COL18A1: variants seen among roughly 807,000 people sequenced by gnomAD.
COL18A1 encodes collagen type XVIII alpha 1 chain.
Under a neutral mutation model 168.0 loss-of-function variants are expected in COL18A1, and 133 were observed. The observed-to-expected ratio is 0.79, with a 90% confidence interval of 0.69 to 0.91. COL18A1 has a LOEUF of 0.91. COL18A1 is among the 40% of genes least tolerant of loss of function. COL18A1 has a pLI of 0.00. For synonymous variants in COL18A1, 949 were observed against 809.0 expected, an observed-to-expected ratio of 1.17 and a Z score of -2.94; for missense variants, 2,126 against 1,925.4, an observed-to-expected ratio of 1.10 and a Z score of -1.95.
chr21:45,468,726 G>T lies in COL18A1; in HGVS notation c.591G>T (p.Leu197=). The change falls in exon 3 of 42, where the codon CTG becomes CTT. Residue 197 remains leucine, a synonymous_variant. Coordinates refer to ENST00000651438, the MANE Select transcript of COL18A1 (RefSeq NM_001379500.1). ...PLARSSRGLE[L]EPGAGLFVAQ... Reference sequence around the variant, plus strand: ...CTCGGTCCTCACGGGGCCTGGAGCTGGAGCCTGGCGCCGGGCTCTTCGTGG... The same window carrying T: ...CTCGGTCCTCACGGGGCCTGGAGCTTGAGCCTGGCGCCGGGCTCTTCGTGG... 1 of 1,611,636 alleles carries T rather than the reference G, an allele frequency of 6.2e-7. No homozygotes were observed. Among genetic ancestry groups the T allele is most frequent in the Non-Finnish European group, 8.5e-7 (1 of 1,179,902 alleles).
At position 45,438,020 on chromosome 21, in the gene COL18A1, ACT is replaced by A. The variant is rs1396482564; in HGVS notation, c.107-30220_107-30219del. On this transcript the variant is annotated intron_variant, in intron 2 of 41. Transcript: ENST00000651438. ...GGCACTCTCCTGCACACACACACTCACTCACACACAGACACACAGGCACTCTC... is the reference window on the plus strand; with the variant it reads ...GGCACTCTCCTGCACACACACACTCACACACACAGACACACAGGCACTCTC... Among the ~76,000 whole-genome samples, 27 of 107,882 alleles carry A rather than the reference ACT, an allele frequency of 2.5e-4. 2 individuals are homozygous for A. The highest frequency in any genetic ancestry group is 4.6e-4 in the Admixed American group (5 of 10,774). The allele number at this position is 107,882 out of a possible 152,430, so 70.8% of individuals were successfully genotyped here. A position where few individuals can be genotyped will look rare whatever the true frequency, so the allele number is the denominator to read the frequency against.
In COL18A1 at chr21:45,492,564, G is replaced by C. The variant is rs2036388835; in HGVS notation, c.2187G>C (p.Glu729Asp). The change falls in exon 23 of 42, where the codon GAG becomes GAC. Residue 729 changes from glutamate (E) to aspartate (D), a missense_variant and splice_region_variant. By Grantham distance (45) the Glu-to-Asp change is conservative. Transcript: ENST00000651438. ...DGSVLSVPGP[E>D]GRPGFAGFPG... ...CCGTCCTGAGCGTGCCGGGACCTGAGGTATGTGCCTGCCCAGCTTCTAAGA... is the reference window on the plus strand; with the variant it reads ...CCGTCCTGAGCGTGCCGGGACCTGACGTATGTGCCTGCCCAGCTTCTAAGA... 6.2e-7 allele frequency: 1 copy of C among 1,613,082 alleles called. No individual in the cohort carries two copies.
chr21:45,492,632 G>C (rs965966960), intron 23 of COL18A1, 55 bp from the exon 24 acceptor site: 2 of 1,610,364 alleles, frequency 1.2e-6, no homozygotes, highest in Non-Finnish European at 1.7e-6. Flanking sequence ...GGTGGGGTCC[G>C]GGCAGGCGCG....
intron 2 of COL18A1, chr21:45,422,664 G>A (rs1329361711): frequency 1.2e-5 from 4 of 333,274 alleles, no homozygotes; most frequent in Non-Finnish European, 1.8e-5. Context: ...CCAGCACCCT[G>A]CCAAGGAAAG....
At chr21:45,466,465 G>A (rs918938355) in intron 2 of COL18A1, among the ~76,000 whole-genome samples, 4 of 150,824 alleles carry the variant, frequency 2.7e-5, no homozygotes, top group East Asian at 1.9e-4. Context: ...TTGAGCTCTC[G>A]CACCCGGGAA....
chr21:45,496,317 C>G (rs570353805), intron 29 of COL18A1, 183 bp from the exon 30 acceptor site: 3 of 715,590 alleles, frequency 4.2e-6, no homozygotes, highest in Non-Finnish European at 7.8e-6. Context: ...GAGGTGGGGC[C>G]GGGGCCAGTT....
intron 21 of COL18A1, 38 bp from the exon 22 acceptor site, chr21:45,491,187 T>G: frequency 1.2e-5 from 19 of 1,536,156 alleles, no homozygotes; most frequent in Non-Finnish European, 1.5e-5. Context: ...GCCAGAGCGG[T>G]TGAGATGAAA....
At chr21:45,486,082 C>T (rs1033149486) in intron 15 of COL18A1, among the ~76,000 whole-genome samples, 2 of 152,238 alleles carry the variant, frequency 1.3e-5, no homozygotes. Flanking sequence ...CGGGCTCTCA[C>T]CTCACACTCC....
intron 11 of COL18A1, 145 bp from the exon 12 acceptor site, chr21:45,480,322 G>T (rs962321152): frequency 6.8e-7 from 1 of 1,475,138 alleles, no homozygotes; most frequent in Non-Finnish European, 9.3e-7. Flanking sequence ...CTGCCTTCAG[G>T]CTTCTCTGGG....
chr21:45,460,375 G>A (rs996713103), intron 2 of COL18A1, among the ~76,000 whole-genome samples: 4 of 152,192 alleles, frequency 2.6e-5, no homozygotes, highest in African/African-American at 7.2e-5. Flanking sequence ...CGGCCAAGTC[G>A]CTCATCTCAA....
chr21:45,418,355 C>T (rs943804545), intron 2 of COL18A1, among the ~76,000 whole-genome samples: 2 of 152,156 alleles, frequency 1.3e-5, no homozygotes, highest in African/African-American at 2.4e-5. Context: ...GGAGGGATGT[C>T]TCTGGCAGGG....
At position 45,510,613 on chromosome 21, in the gene COL18A1, G is replaced by A. The variant is rs566240584; in HGVS notation, c.3693+352G>A. Among the ~76,000 whole-genome samples, 17 of 152,186 alleles carry A rather than the reference G, an allele frequency of 1.1e-4. No individual in the cohort carries two copies. The East Asian group carries it at 2.7e-3, about 24-fold the overall frequency. ...ACATACAAGCCTGGAATCAGGAACC[G>A]TCCTTTGGGCCTCTAGTGCCATGCG... On this transcript the variant is annotated intron_variant, in intron 40 of 41. Transcript: ENST00000651438.
In COL18A1 at chr21:45,513,177, A is replaced by C. The variant is rs2037707050; in HGVS notation, c.*779A>C. On this transcript the variant is annotated 3_prime_UTR_variant, in exon 42 of 42. Transcript: ENST00000651438. Reference sequence around the variant, plus strand: ...AGGGACCCATGAGTTGGGGTCTGGCAGCCTCCCATCCAGGGCCCCCATCTC... The same window carrying C: ...AGGGACCCATGAGTTGGGGTCTGGCCGCCTCCCATCCAGGGCCCCCATCTC... The C allele has an allele frequency of 6.6e-6, 1 of 152,382 alleles. No homozygotes were observed. The highest frequency in any genetic ancestry group is 2.1e-4 in the South Asian group (1 of 4,834). The allele number at this position is 152,382 out of a possible 1,614,324, so 9.4% of individuals were successfully genotyped here. A position where few individuals can be genotyped will look rare whatever the true frequency, so the allele number is the denominator to read the frequency against.
At chr21:45,435,632 G>C (rs1325822891) in intron 2 of COL18A1, among the ~76,000 whole-genome samples, 1 of 152,170 alleles carries the variant, frequency 6.6e-6, no homozygotes, top group Non-Finnish European at 1.5e-5. Context: ...CTGGGGCAGA[G>C]GTGGGGTCAG....
At position 45,405,300 on chromosome 21, in the gene COL18A1, CGGGGGTCG is replaced by C. The variant is rs1569270199; in HGVS notation, c.11+60_11+67del. On this transcript the variant is annotated intron_variant, in intron 1 of 41. Transcript: ENST00000651438. ...CGCCAAGATGCGGCTGCGGGGGTCG[CGGGGGTCG>C]CGGGGCTCGGCCGGGTCCTGCGGGG... 160 of 562,942 alleles carry C rather than the reference CGGGGGTCG, an allele frequency of 2.8e-4. 4 individuals carry two copies. The East Asian group carries it at 8.3e-3, about 29-fold the overall frequency. 34.9% of individuals were successfully genotyped at this position (562,942 alleles called of 1,614,324 possible).
intron 2 of COL18A1, among the ~76,000 whole-genome samples, chr21:45,428,673 C>T (rs1020240051): frequency 3.9e-5 from 6 of 152,220 alleles, no homozygotes; most frequent in East Asian, 1.9e-4. Context: ...ACCTCTGGAT[C>T]GGCGGTTCTG....
intron 40 of COL18A1, 99 bp downstream of exon 40, chr21:45,510,360 CCA>C: frequency 7.5e-7 from 1 of 1,331,184 alleles, no homozygotes; most frequent in Non-Finnish European, 1.1e-6. Flanking sequence ...CCTCTGGAGG[CCA>C]CCATGTTACA....
At chr21:45,454,723 C>T (rs1301587121) in intron 2 of COL18A1, among the ~76,000 whole-genome samples, 1 of 152,238 alleles carries the variant, frequency 6.6e-6, no homozygotes, top group Non-Finnish European at 1.5e-5. Flanking sequence ...CGGGGGGGCA[C>T]AGCAGCCACT....
At chr21:45,494,294 T>G (rs974137294) in intron 26 of COL18A1, 1 of 488,068 alleles carries the variant, frequency 2.0e-6, no homozygotes, top group African/African-American at 2.4e-5. Context: ...GGGGCATGCA[T>G]GCACGCACCA....
Sources: allele counts gnomAD v4.1 joint callset (sites outside exome capture counted in the v4.1 genomes callset), GRCh38; gene constraint gnomAD v4.1.1; transcripts MANE v1.5; gene names NCBI Gene and HGNC (gene_info 2026-07-23, HGNC 2026-07-21).